Variants in GRID2 observed in about 807,000 individuals in gnomAD.
The protein encoded by GRID2 is glutamate receptor ionotropic, delta-2.
A neutral mutation model predicts 114.8 loss-of-function variants in GRID2; 33 were observed. The observed-to-expected ratio is 0.29, with a 90% confidence interval of 0.22 to 0.38. The LOEUF (loss-of-function observed/expected upper bound fraction) is 0.38, where lower values mean the gene tolerates loss of function less well. GRID2 is among the 10% of genes least tolerant of loss of function. The pLI is 1.00. For missense variants in GRID2, 1,184 were observed against 1,257.7 expected (o/e 0.94, Z 0.89); for synonymous variants, 505 against 449.9 (o/e 1.12, Z -1.55).
intron 8 of GRID2, among the ~76,000 whole-genome samples, chr4:93,368,131 T>G (rs1321114833): frequency 6.6e-6 from 1 of 152,144 alleles, no homozygotes; most frequent in Non-Finnish European, 1.5e-5. Flanking sequence ...ACTATCTCAG[T>G]AAGGCTAGAA....
intron 12 of GRID2, among the ~76,000 whole-genome samples, chr4:93,499,914 C>A (rs1422090992): frequency 6.6e-6 from 1 of 151,956 alleles, no homozygotes; most frequent in Non-Finnish European, 1.5e-5. Flanking sequence ...CCCAGGCAAT[C>A]TAGCACTATA....
intron 1 of GRID2, among the ~76,000 whole-genome samples, chr4:92,382,047 G>T (rs1156938059): frequency 6.6e-6 from 1 of 151,774 alleles, no homozygotes; most frequent in Non-Finnish European, 1.5e-5. Context: ...ATGTCAGTGA[G>T]CATTCCATTA....
chr4:92,740,734 AGATAGATG>A (rs1447395459), intron 2 of GRID2, among the ~76,000 whole-genome samples: 182 of 119,216 alleles, frequency 1.5e-3, no homozygotes, highest in African/African-American at 4.5e-3. Flanking sequence ...ATAGATAGAT[AGATAGATG>A]GATAGATAGA....
At chr4:93,199,571 A>T (rs904720310) in intron 4 of GRID2, among the ~76,000 whole-genome samples, 6 of 152,186 alleles carry the variant, frequency 3.9e-5, no homozygotes, top group African/African-American at 1.4e-4. Context: ...GATTTGGATG[A>T]AAGTGTATTT....
At chr4:93,484,084 C>G (rs1726136502) in intron 11 of GRID2, among the ~76,000 whole-genome samples, 1 of 151,768 alleles carries the variant, frequency 6.6e-6, no homozygotes, top group Non-Finnish European at 1.5e-5. Flanking sequence ...TCACTATTCT[C>G]TCTCCTTATT....
chr4:92,379,526 A>G (rs1359584596), intron 1 of GRID2, among the ~76,000 whole-genome samples: 1 of 152,096 alleles, frequency 6.6e-6, no homozygotes, highest in Non-Finnish European at 1.5e-5. Flanking sequence ...TATACAAATT[A>G]CATTCCAATA....
chr4:93,369,407 G>A (rs1287561118), intron 8 of GRID2, among the ~76,000 whole-genome samples: 1 of 152,160 alleles, frequency 6.6e-6, no homozygotes, highest in Non-Finnish European at 1.5e-5. Flanking sequence ...AGCAACGTTT[G>A]TTTCCAAATT....
intron 1 of GRID2, among the ~76,000 whole-genome samples, chr4:92,360,034 C>T (rs144248709): frequency 5.2e-4 from 79 of 152,044 alleles, no homozygotes; most frequent in African/African-American, 1.8e-3. Flanking sequence ...GCAGCCTAAT[C>T]TCCCTCTGGA....
At chr4:92,454,686 A>G (rs910704550) in intron 1 of GRID2, among the ~76,000 whole-genome samples, 2 of 152,116 alleles carry the variant, frequency 1.3e-5, no homozygotes, top group African/African-American at 4.8e-5. Flanking sequence ...AATACAAAAT[A>G]TTAGCCGGGC....
intron 1 of GRID2, among the ~76,000 whole-genome samples, chr4:92,426,954 T>TA (rs1217896203): frequency 6.6e-6 from 1 of 152,154 alleles, no homozygotes; most frequent in Non-Finnish European, 1.5e-5. Context: ...CTATGTGTGT[T>TA]AGTGTCAGGA....
chr4:93,277,000 T>A (rs1752124890), intron 8 of GRID2, among the ~76,000 whole-genome samples: 1 of 151,862 alleles, frequency 6.6e-6, no homozygotes, highest in Non-Finnish European at 1.5e-5. Flanking sequence ...AAGAAGATAT[T>A]TGATATGCTC....
chr4:93,358,882 A>T (rs558743635), intron 8 of GRID2, among the ~76,000 whole-genome samples: 6 of 152,214 alleles, frequency 3.9e-5, no homozygotes, highest in African/African-American at 1.2e-4. Context: ...CAGGTTTTGA[A>T]GTCTGTTTTT....
intron 1 of GRID2, among the ~76,000 whole-genome samples, chr4:93,781,721 G>A (rs1477429636): frequency 6.6e-6 from 1 of 152,164 alleles, no homozygotes; most frequent in African/African-American, 2.4e-5. Context: ...TAAATGCTAT[G>A]TAAACAGTTG....
chr4:93,685,985 T>C (rs1726043093), intron 14 of GRID2, among the ~76,000 whole-genome samples: 1 of 152,064 alleles, frequency 6.6e-6, no homozygotes, highest in African/African-American at 2.4e-5. Context: ...AAATGCTAGC[T>C]CTTGCCATTA....
Position 92,521,688 on chromosome 4 carries a change from G to A in GRID2, c.89-68443G>A, listed in dbSNP as rs115003180. Among the ~76,000 whole-genome samples, 332 of 152,058 alleles carry A rather than the reference G, an allele frequency of 2.2e-3. 1 individual carries two copies. Among genetic ancestry groups the A allele is most frequent in the African/African-American group, 7.7e-3 (318 of 41,530 alleles). On this transcript the variant is annotated intron_variant, in intron 1 of 15. Transcript: ENST00000282020. ...CTTAAATGATAAACCAGCATGATAAGAGTGACGAATCATGTTGGTTAATAA... is the reference window on the plus strand; with the variant it reads ...CTTAAATGATAAACCAGCATGATAAAAGTGACGAATCATGTTGGTTAATAA...
intron 2 of GRID2, among the ~76,000 whole-genome samples, chr4:93,048,867 T>C (rs1056196223): frequency 4.6e-5 from 7 of 152,028 alleles, no homozygotes; most frequent in African/African-American, 1.4e-4. Context: ...GTTAAGAATG[T>C]AATAGGAAGA....
intron 1 of GRID2, among the ~76,000 whole-genome samples, chr4:92,345,543 T>G (rs1377654191): frequency 2.6e-5 from 4 of 152,240 alleles, no homozygotes; most frequent in African/African-American, 9.6e-5. Context: ...GTGGTTGTTC[T>G]GATTTACATT....
At chr4:92,965,061 T>G (rs1270572520) in intron 2 of GRID2, among the ~76,000 whole-genome samples, 1 of 151,900 alleles carries the variant, frequency 6.6e-6, no homozygotes, top group Admixed American at 6.6e-5. Flanking sequence ...TGATTTAAAG[T>G]GAGAGAGGTG....
At chr4:93,321,943 T>G (rs1037339327) in intron 8 of GRID2, among the ~76,000 whole-genome samples, 3 of 151,906 alleles carry the variant, frequency 2.0e-5, no homozygotes, top group African/African-American at 7.2e-5. Flanking sequence ...ATTATTTTTA[T>G]ATAATCAATA....
Sources: allele counts gnomAD v4.1 joint callset (sites outside exome capture counted in the v4.1 genomes callset), GRCh38; gene constraint gnomAD v4.1.1; transcripts MANE v1.5; gene names NCBI Gene and HGNC (gene_info 2026-07-23, HGNC 2026-07-21).